ZNF562: variants seen among roughly 807,000 people sequenced by gnomAD.
The protein encoded by ZNF562 is zinc finger protein 562.
Under a neutral mutation model 17.5 loss-of-function variants are expected in ZNF562, and 13 were observed. The observed-to-expected ratio is 0.74, with a 90% CI of 0.48 to 1.18. The LOEUF is 1.18. ZNF562 is among the 50% of genes most tolerant of loss of function. ZNF562 has a pLI of 0.00. For synonymous variants in ZNF562, 163 were observed against 165.4 expected (o/e 0.99, Z 0.11); for missense variants, 481 against 498.5 (o/e 0.96, Z 0.33).
intron 4 of ZNF562, among the ~76,000 whole-genome samples, chr19:9,657,760 G>T (rs1203038353): frequency 6.6e-6 from 1 of 151,944 alleles, no homozygotes; most frequent in East Asian, 1.9e-4. Flanking sequence ...TGTTAGCCAG[G>T]CTGGTCTTGA....
At chr19:9,664,202 G>A (rs1486832038) in intron 1 of ZNF562, among the ~76,000 whole-genome samples, 1 of 152,162 alleles carries the variant, frequency 6.6e-6, no homozygotes, top group Non-Finnish European at 1.5e-5. Flanking sequence ...CCAAGTAGCT[G>A]CGATTACAGG....
intron 4 of ZNF562, among the ~76,000 whole-genome samples, chr19:9,657,779 C>T (rs2043567601): frequency 6.6e-6 from 1 of 151,998 alleles, no homozygotes; most frequent in Non-Finnish European, 1.5e-5. Flanking sequence ...GATTTCCTGA[C>T]CTTGTGATCT....
chr19:9,659,542 C>A (rs2043643908), intron 2 of ZNF562, 75 bp from the exon 3 acceptor site: 8 of 1,503,050 alleles, frequency 5.3e-6, no homozygotes, highest in Non-Finnish European at 1.8e-6. Flanking sequence ...TCCATCCTAG[C>A]TTGAAATTCC....
At chr19:9,659,490 T>C in intron 2 of ZNF562, 23 bp from the exon 3 acceptor site, 1 of 1,548,854 alleles carries the variant, frequency 6.5e-7, no homozygotes, top group Non-Finnish European at 8.7e-7. Context: ...TAAGAAGGCA[T>C]GAGAAGCCAG....
chr19:9,656,672 A>G lies in ZNF562; in HGVS notation c.242-19T>C. On this transcript the variant is annotated intron_variant, in intron 4 of 5. Coordinates refer to ENST00000453372, the MANE Select transcript of ZNF562 (RefSeq NM_001130031.2). The stretch of plus-strand genomic sequence containing the variant: ...AAGAAATCTAAGGGTTTAGAGAAGA[A>G]ATGTGTTAGTTTAAAATTAGTCATT... 1.2e-6 allele frequency: 2 copies of G among 1,606,682 alleles called. No individual in the cohort carries two copies. The highest frequency in any genetic ancestry group is 3.4e-5 in the Admixed American group (2 of 59,674).
intron 5 of ZNF562, among the ~76,000 whole-genome samples, chr19:9,654,433 G>C (rs1436783441): frequency 2.6e-5 from 4 of 151,926 alleles, no homozygotes; most frequent in African/African-American, 9.7e-5. Context: ...TAGGACTAGA[G>C]GCATGCATCA....
chr19:9,657,209 A>C (rs74257253), intron 4 of ZNF562, among the ~76,000 whole-genome samples: 19,163 of 151,568 alleles, frequency 0.13, 1,435 homozygotes, highest in Admixed American at 0.23. Context: ...GAAAATTATC[A>C]GGAAAGGAAA....
intron 1 of ZNF562, among the ~76,000 whole-genome samples, chr19:9,665,905 A>G (rs1337963226): frequency 6.6e-6 from 1 of 151,900 alleles, no homozygotes; most frequent in East Asian, 1.9e-4. Context: ...CCTACTTAGG[A>G]GACTGAGGTG....
chr19:9,672,119 T>C (rs1271421699), intron 1 of ZNF562, among the ~76,000 whole-genome samples: 1 of 152,126 alleles, frequency 6.6e-6, no homozygotes, highest in East Asian at 1.9e-4. Context: ...TCTCTGAAAG[T>C]CAATATAATG....
At position 9,653,278 on chromosome 19, in the gene ZNF562, A is replaced by G. The variant is rs1186636075; in HGVS notation, c.952T>C (p.Cys318Arg). Residue 318 changes from cysteine to arginine, a missense_variant, in exon 6 of 6, where the codon TGT becomes CGT. Around this residue, in one of 2 missense-constraint regions of ZNF562, gnomAD observed 403 missense variants for 386.4 expected, o/e 1.04. Transcript: ENST00000453372. ...QIHTGIKPHK[C>R]TECGKAFTRS... ...GTGAAGGCTTTCCCACATTCCGTAC[A>G]TTTGTGTGGTTTTATTCCAGTGTGA... The G allele has an allele frequency of 6.2e-7, 1 of 1,614,182 alleles. No individual in the cohort carries two copies. Among genetic ancestry groups the G allele is most frequent in the South Asian group, 1.1e-5 (1 of 91,080 alleles).
chr19:9,671,309 C>T (rs1172715820), intron 1 of ZNF562, among the ~76,000 whole-genome samples: 1 of 152,062 alleles, frequency 6.6e-6, no homozygotes, highest in Non-Finnish European at 1.5e-5. Context: ...TCTGGGGCCA[C>T]CATGTCTGTG....
At chr19:9,670,349 T>G (rs1057353447) in intron 1 of ZNF562, among the ~76,000 whole-genome samples, 1 of 151,992 alleles carries the variant, frequency 6.6e-6, no homozygotes, top group Non-Finnish European at 1.5e-5. Flanking sequence ...AGAAAGGAAA[T>G]CAATATATTT....
Position 9,653,790 on chromosome 19 carries a change from T to G in ZNF562, c.440A>C (p.Gln147Pro), listed in dbSNP as rs770929549. ...ACCCTCAAAAGTGTTCCCTCCATTCTGAGCTCTCATGTGTGTCTTAAGGCA... is the reference window on the plus strand; with the variant it reads ...ACCCTCAAAAGTGTTCCCTCCATTCGGAGCTCTCATGTGTGTCTTAAGGCA... Reference protein sequence around the residue: ...QFCLKTHMRAQNGGNTFEGNC... With the variant: ...QFCLKTHMRAPNGGNTFEGNC... The change falls in exon 6 of 6, where the codon CAG becomes CCG. Residue 147 changes from glutamine to proline, a missense_variant. By Grantham distance (76) the Gln-to-Pro change is moderately conservative (BLOSUM62 -1). Transcript: ENST00000453372. 25 of 1,613,936 alleles carry G rather than the reference T, an allele frequency of 1.5e-5. No individual in the cohort carries two copies. In the South Asian group the frequency reaches 2.7e-4, roughly 18 times the overall value.
intron 1 of ZNF562, among the ~76,000 whole-genome samples, chr19:9,673,292 T>G (rs2044269574): frequency 6.6e-6 from 1 of 152,164 alleles, no homozygotes; most frequent in Admixed American, 6.6e-5. Context: ...CCCTCCCTTA[T>G]CTGGTGTACT....
chr19:9,653,887 G>A lies in ZNF562; in HGVS notation c.349-6C>T. 1 of 1,544,002 alleles carries A rather than the reference G, an allele frequency of 6.5e-7. No homozygotes were observed. Among genetic ancestry groups the A allele is most frequent in the Admixed American group, 2.0e-5 (1 of 48,990 alleles). On this transcript the variant is annotated splice_polypyrimidine_tract_variant and splice_region_variant and intron_variant, in intron 5 of 5. Transcript: ENST00000453372. Reference sequence around the variant, plus strand: ...CCACTGTAGCTTCTTGTCTGCTGATGAGGGGATAAAGGATTTAAAATGTTT... The same window carrying A: ...CCACTGTAGCTTCTTGTCTGCTGATAAGGGGATAAAGGATTTAAAATGTTT...
intron 4 of ZNF562, 23 bp downstream of exon 4, chr19:9,657,986 A>G: frequency 6.3e-7 from 1 of 1,598,934 alleles, no homozygotes; most frequent in Non-Finnish European, 8.5e-7. Context: ...CCACCATGCC[A>G]AGCAAAGTGA....
intron 1 of ZNF562, among the ~76,000 whole-genome samples, chr19:9,667,963 G>A (rs1266895188): frequency 6.6e-6 from 1 of 152,114 alleles, no homozygotes; most frequent in African/African-American, 2.4e-5. Flanking sequence ...AATGAATTCA[G>A]TAAATGTTCA....
Position 9,656,616 on chromosome 19 carries a change from T to C in ZNF562, c.279A>G (p.Gln93=), listed in dbSNP as rs572883957. Residue 93 remains glutamine, a synonymous_variant, in exon 5 of 6, where the codon CAA becomes CAG. Transcript: ENST00000453372. ...GAAGTGATGACCGTTTGGTTCTAGG[T>C]TGTATTTCCCATTCTGAAGTTAAGC... is the stretch of plus-strand genomic sequence containing the variant. The part of the protein sequence containing the change: ...FFCLTSEWEI[Q]PRTKRSSLQQ... The C allele has an allele frequency of 1.9e-6, 3 of 1,614,100 alleles. No individual in the cohort carries two copies. Among genetic ancestry groups the C allele is most frequent in the East Asian group, 4.5e-5 (2 of 44,888 alleles).
At chr19:9,664,092 G>C (rs1030232740) in intron 1 of ZNF562, among the ~76,000 whole-genome samples, 16 of 151,962 alleles carry the variant, frequency 1.1e-4, no homozygotes, top group Non-Finnish European at 2.4e-4. Flanking sequence ...TTTTAAGACA[G>C]AGTTTCACTC....
Sources: allele counts gnomAD v4.1 joint callset (sites outside exome capture counted in the v4.1 genomes callset), GRCh38; gene constraint gnomAD v4.1.1; regional missense constraint gnomAD v4.1.1; transcripts MANE v1.5; gene names NCBI Gene and HGNC (gene_info 2026-07-23, HGNC 2026-07-21).